Variants in HSPG2 observed in about 807,000 individuals in gnomAD.
HSPG2 encodes basement membrane-specific heparan sulfate proteoglycan core protein.
HSPG2 carries 278 observed loss-of-function variants against 526.6 expected under a neutral mutation model. The ratio of observed to expected loss-of-function variants is 0.53; its 90% CI spans 0.48 to 0.58. The LOEUF is 0.58. HSPG2 is among the 20% of genes least tolerant of loss of function. HSPG2 has a pLI of 0.00. For missense variants in HSPG2, 5,354 were observed against 6,099.5 expected (o/e 0.88, Z 4.07); for synonymous variants, 2,465 against 2,555.4 (o/e 0.96, Z 1.07).
chr1:21,888,165 T>C, intron 6 of HSPG2, 99 bp from the exon 7 acceptor site: 2 of 1,523,766 alleles, frequency 1.3e-6, no homozygotes. Context: ...CAGGGCCCTG[T>C]GTCAGGCAGC....
rs2097995290 is a variant in HSPG2, at chr1:21,830,015, G to A, written c.11748C>T (p.Arg3916=). 6.2e-7 allele frequency: 1 copy of A among 1,610,382 alleles called. No individual in the cohort carries two copies. Among genetic ancestry groups the A allele is most frequent in the African/African-American group, 1.3e-5 (1 of 74,898 alleles). The part of the protein sequence containing the change: ...RGYTCRCHLG[R]SGLRCEEGVT... ...CACCTTCCTCACACCGCAACCCCGA[G>A]CGGCCCAGGTGGCAGCGGCAGGTGT... Residue 3916 remains arginine, a synonymous_variant, in exon 86 of 97, where the codon CGC becomes CGT. Transcript: ENST00000374695.
intron 17 of HSPG2, 109 bp downstream of exon 17, chr1:21,879,998 A>G: frequency 7.9e-7 from 1 of 1,263,696 alleles, no homozygotes; most frequent in Non-Finnish European, 1.2e-6. Flanking sequence ...TTCATCTGGC[A>G]GTCATGACAG....
chr1:21,922,885 G>A (rs1033320688), intron 1 of HSPG2, among the ~76,000 whole-genome samples: 10 of 152,188 alleles, frequency 6.6e-5, no homozygotes, highest in African/African-American at 2.4e-4. Context: ...TGGGAAGCCA[G>A]ACTGACTTAA....
At position 21,865,056 on chromosome 1, in the gene HSPG2, G is replaced by A. The variant is rs376929779; in HGVS notation, c.4413C>T (p.Pro1471=). ...GCTCGCGTGTGGCCGGCTGCCCATC[G>A]GGCCGGCGCCAGAATTCCTGGGTTG... ...IMFREEFWRR[P]DGQPATREHL... Residue 1471 remains proline (P), a synonymous_variant, in exon 36 of 97, where the codon CCC becomes CCT. Coordinates refer to ENST00000374695, the MANE Select transcript of HSPG2 (RefSeq NM_005529.7). This position sits in a 1 kb window ranked among gnomAD's most constrained non-coding sequence, Gnocchi z 5.4. The A allele has an allele frequency of 2.2e-5, 35 of 1,564,514 alleles. No homozygotes were observed. The highest frequency in any genetic ancestry group is 2.2e-4 in the African/African-American group (16 of 73,826).
chr1:21,876,979 A>G (rs1641117378), intron 21 of HSPG2, among the ~76,000 whole-genome samples: 2 of 151,698 alleles, frequency 1.3e-5, no homozygotes, highest in Admixed American at 1.3e-4. Context: ...GAATTGTTTG[A>G]AACCGGGAGG....
intron 44 of HSPG2, 55 bp downstream of exon 44, chr1:21,856,960 G>T: frequency 6.5e-7 from 1 of 1,537,664 alleles, no homozygotes; most frequent in Non-Finnish European, 9.0e-7. Flanking sequence ...TGCTAATTCT[G>T]GTGGGAATGG....
intron 16 of HSPG2, 52 bp downstream of exon 16, chr1:21,880,311 C>T (rs2152753913): frequency 1.9e-6 from 3 of 1,613,938 alleles, no homozygotes; most frequent in Non-Finnish European, 2.5e-6. Flanking sequence ...TGCCGTTTCT[C>T]CTCTATCCTT....
At chr1:21,918,691 T>C (rs1643947699) in intron 1 of HSPG2, among the ~76,000 whole-genome samples, 1 of 152,196 alleles carries the variant, frequency 6.6e-6, no homozygotes, top group African/African-American at 2.4e-5. Flanking sequence ...GCAACTCAAG[T>C]GCTCAGTATA....
chr1:21,866,511 G>A (rs576462853), intron 33 of HSPG2, among the ~76,000 whole-genome samples: 1 of 152,334 alleles, frequency 6.6e-6, no homozygotes, highest in African/African-American at 2.4e-5. Context: ...CAGATGAGAA[G>A]CTGGAGAACC....
chr1:21,837,457 T>TTTGTA (rs1553159261), intron 74 of HSPG2, among the ~76,000 whole-genome samples: 9 of 151,712 alleles, frequency 5.9e-5, no homozygotes, highest in Non-Finnish European at 8.8e-5. Context: ...TTTTTTTTTT[T>TTTGTA]TTTTGTATTT....
In HSPG2 at chr1:21,828,872, G is replaced by A. The variant is rs1181925502; in HGVS notation, c.12200C>T (p.Thr4067Ile). The part of the protein sequence containing the change: ...VEPSVPLSPA[T>I]NMSAHFRGCV... ...GCCGCGGAAGTGAGCGCTCATGTTG[G>A]TGGCCGGGGACAGTGGCACGGAAGG... Residue 4067 changes from threonine to isoleucine, a missense_variant, in exon 88 of 97, where the codon ACC (threonine) becomes ATC (isoleucine). Thr to Ile is a moderately conservative substitution (Grantham distance 89, BLOSUM62 -1). Transcript: ENST00000374695. This position sits in a 1 kb window ranked among gnomAD's most constrained non-coding sequence, Gnocchi z 6.0. 2 of 1,552,180 alleles carry A rather than the reference G, an allele frequency of 1.3e-6. No homozygotes were observed. Among genetic ancestry groups the A allele is most frequent in the African/African-American group, 1.4e-5 (1 of 73,132 alleles).
intron 13 of HSPG2, among the ~76,000 whole-genome samples, chr1:21,884,298 C>T (rs1448344311): frequency 3.9e-5 from 6 of 152,184 alleles, no homozygotes. Context: ...CTCCAGGGCC[C>T]GTCCTCGCCG....
Position 21,828,229 on chromosome 1 carries a change from C to T in HSPG2, c.12409+26G>A, listed in dbSNP as rs1557670191. On this transcript the variant is annotated intron_variant, in intron 89 of 96. Transcript: ENST00000374695. This position sits in a 1 kb window ranked among gnomAD's most constrained non-coding sequence, Gnocchi z 6.0. Reference sequence around the variant, plus strand: ...CGCTGACCACCTGTGCCCCTCCCCTCCGGTGCCCTGGGCAGGCTTTCCCAC... The same window carrying T: ...CGCTGACCACCTGTGCCCCTCCCCTTCGGTGCCCTGGGCAGGCTTTCCCAC... 1 of 1,613,302 alleles carries T rather than the reference C, an allele frequency of 6.2e-7. No homozygotes were observed. Among genetic ancestry groups the T allele is most frequent in the Non-Finnish European group, 8.5e-7 (1 of 1,179,954 alleles).
At position 21,934,466 on chromosome 1, in the gene HSPG2, G is replaced by C. The variant is rs555081183; in HGVS notation, c.63+2689C>G. 2.6e-5 allele frequency among the ~76,000 whole-genome samples: 4 copies of C among 152,306 alleles called. No individual in the cohort carries two copies. In the East Asian group the frequency reaches 7.7e-4, roughly 29 times the overall value. ...CCGCAGCCCAGAGACTCATACTTGG[G>C]TCTGTAAGACTTCAGAGACAGGCCA... On this transcript the variant is annotated intron_variant, in intron 1 of 96. Coordinates refer to ENST00000374695, the MANE Select transcript of HSPG2 (RefSeq NM_005529.7).
rs2097956302 is a variant in HSPG2 at position 21,823,172 on chromosome 1, C to A, written c.*144G>T. Reference sequence around the variant, plus strand: ...TGTGTGTGTGAGGGTGGCATGCCCACCTCCAGTCCAGCCCAGGGCGGTAGC... The same window carrying A: ...TGTGTGTGTGAGGGTGGCATGCCCAACTCCAGTCCAGCCCAGGGCGGTAGC... On this transcript the variant is annotated 3_prime_UTR_variant, in exon 97 of 97. Transcript: ENST00000374695. The A allele has an allele frequency of 3.7e-6, 3 of 809,808 alleles. No individual in the cohort carries two copies. In the Admixed American group the frequency reaches 9.6e-5, roughly 26 times the overall value. The allele number at this position is 809,808 out of a possible 1,614,324, so 50.2% of individuals were successfully genotyped here.
At chr1:21,863,184 G>A (rs1259811934) in intron 37 of HSPG2, among the ~76,000 whole-genome samples, 23 of 150,170 alleles carry the variant, frequency 1.5e-4, no homozygotes, top group South Asian at 6.4e-4. Context: ...CATCCTGGCT[G>A]ACACAGGTGA....
At chr1:21,825,404 T>A (rs1041240244) in intron 91 of HSPG2, among the ~76,000 whole-genome samples, 1 of 152,236 alleles carries the variant, frequency 6.6e-6, no homozygotes, top group African/African-American at 2.4e-5. Context: ...AGTCCGGAGC[T>A]ACTGGGACCG....
At chr1:21,883,159 C>A (rs1382191254) in intron 13 of HSPG2, among the ~76,000 whole-genome samples, 1 of 152,208 alleles carries the variant, frequency 6.6e-6, no homozygotes, top group Non-Finnish European at 1.5e-5. Context: ...CCCTGGGGCT[C>A]TCATCTTAAA....
At chr1:21,868,104 T>C (rs542482771) in intron 33 of HSPG2, among the ~76,000 whole-genome samples, 6 of 151,940 alleles carry the variant, frequency 3.9e-5, no homozygotes, top group Admixed American at 3.3e-4. Flanking sequence ...AGTGGCATGA[T>C]CTAGGCTCAC....
Sources: gnomAD v4.1 joint callset for allele counts (sites outside exome capture counted in the v4.1 genomes callset) on GRCh38, gnomAD v4.1.1 for gene constraint, Gnocchi (gnomAD v3.1) non-coding constraint, MANE v1.5 for transcripts, NCBI Gene and HGNC (gene_info 2026-07-23, HGNC 2026-07-21) for gene names.